COL25A1: variants seen among roughly 807,000 people sequenced by gnomAD.
The protein encoded by COL25A1 is collagen alpha-1(XXV) chain.
A neutral mutation model predicts 128.4 loss-of-function variants in COL25A1; 103 were observed. The ratio of observed to expected loss-of-function variants is 0.80; its 90% CI spans 0.68 to 0.94. The LOEUF is 0.94. COL25A1 is among the 40% of genes least tolerant of loss of function. The pLI is 0.00. For missense variants in COL25A1, 745 were observed against 840.0 expected (o/e 0.89, Z 1.40); for synonymous variants, 279 against 277.2 (o/e 1.01, Z -0.06).
At chr4:109,287,773 C>T (rs187768326) in intron 3 of COL25A1, among the ~76,000 whole-genome samples, 22 of 152,240 alleles carry the variant, frequency 1.4e-4, no homozygotes, top group African/African-American at 5.1e-4. Context: ...GCAACTGAGA[C>T]AGGCAAGAGC....
chr4:109,132,813 A>T (rs1769354869), intron 3 of COL25A1, among the ~76,000 whole-genome samples: 1 of 152,074 alleles, frequency 6.6e-6, no homozygotes, highest in African/African-American at 2.4e-5. Context: ...AACCTTCTAG[A>T]TTTCCATATT....
chr4:109,248,714 G>C (rs757912839), intron 3 of COL25A1, among the ~76,000 whole-genome samples: 4 of 152,064 alleles, frequency 2.6e-5, no homozygotes, highest in Non-Finnish European at 5.9e-5. Context: ...CATCAGTCCA[G>C]CTCTCCGGTG....
chr4:108,899,878 G>A (rs1383706249), intron 14 of COL25A1, among the ~76,000 whole-genome samples: 1 of 152,092 alleles, frequency 6.6e-6, no homozygotes, highest in South Asian at 2.1e-4. Flanking sequence ...GTGCCCTGAA[G>A]AGAATCTCAT....
At chr4:108,823,923 G>T in intron 35 of COL25A1, 2 of 1,395,542 alleles carry the variant, frequency 1.4e-6, no homozygotes, top group Non-Finnish European at 9.3e-7. Context: ...GTGTCAGGTG[G>T]TTGAAAAACT....
chr4:109,282,446 T>A (rs1205091817), intron 3 of COL25A1, among the ~76,000 whole-genome samples: 1 of 151,936 alleles, frequency 6.6e-6, no homozygotes, highest in Non-Finnish European at 1.5e-5. Flanking sequence ...TGCATAAAAA[T>A]GAGAAAAAAT....
At chr4:108,832,707 G>T (rs961714407) in intron 31 of COL25A1, 1 of 271,182 alleles carries the variant, frequency 3.7e-6, no homozygotes, top group Non-Finnish European at 6.9e-6. Context: ...ACTAAATAAA[G>T]CATCACTGGC....
chr4:109,214,051 C>A (rs892965817), intron 3 of COL25A1, among the ~76,000 whole-genome samples: 3 of 152,014 alleles, frequency 2.0e-5, no homozygotes, highest in African/African-American at 7.2e-5. Context: ...CAGCCGTTTG[C>A]CTGATTTCTC....
chr4:108,832,973 T>TAATAAATAAATAAATACATACATA (rs374659428), intron 31 of COL25A1, among the ~76,000 whole-genome samples: 1 of 106,110 alleles, frequency 9.4e-6, no homozygotes, highest in African/African-American at 3.1e-5. Context: ...TCTCAAAAAA[T>TAATAAATAAATAAATACATACATA]AATAAATAAA....
At chr4:108,848,939 A>G (rs752874024) in intron 26 of COL25A1, 136 bp from the exon 27 acceptor site, 10 of 660,222 alleles carry the variant, frequency 1.5e-5, no homozygotes, top group Non-Finnish European at 2.7e-5. Flanking sequence ...ATATTCTATT[A>G]TAGCACATAT....
chr4:109,098,359 A>G (rs190720363), intron 3 of COL25A1, among the ~76,000 whole-genome samples: 1 of 152,292 alleles, frequency 6.6e-6, no homozygotes, highest in Admixed American at 6.5e-5. Context: ...GGAACCCAAG[A>G]ATCCTCACCT....
Position 108,918,162 on chromosome 4 carries a change from T to C in COL25A1, c.780+10A>G, listed in dbSNP as rs781530630. On this transcript the variant is annotated intron_variant, in intron 13 of 37. Coordinates refer to ENST00000399132, the MANE Select transcript of COL25A1 (RefSeq NM_198721.4). ...ATTATTTTTAAAATACAATATTCTA[T>C]AGAACTCACCTTTTGCCCATTCATC... 1 of 1,570,644 alleles carries C rather than the reference T, an allele frequency of 6.4e-7. No homozygotes were observed. Among genetic ancestry groups the C allele is most frequent in the East Asian group, 2.3e-5 (1 of 44,226 alleles).
At chr4:109,048,252 G>T in intron 4 of COL25A1, 77 bp from the exon 5 acceptor site, 1 of 1,354,582 alleles carries the variant, frequency 7.4e-7, no homozygotes, top group Non-Finnish European at 1.1e-6. Context: ...TCAAACAAAA[G>T]ATATGAGCAT....
chr4:109,010,446 T>G (rs1306325593), intron 5 of COL25A1, 71 bp from the exon 6 acceptor site: 11 of 1,021,516 alleles, frequency 1.1e-5, no homozygotes, highest in Admixed American at 2.7e-5. Context: ...CTACCAAAAC[T>G]GAAACTAGTT....
At chr4:109,266,001 C>G (rs140008525) in intron 3 of COL25A1, among the ~76,000 whole-genome samples, 26 of 149,380 alleles carry the variant, frequency 1.7e-4, no homozygotes, top group African/African-American at 6.1e-4. Flanking sequence ...AATACTACCT[C>G]CAAACATTTC....
chr4:108,846,218 C>A lies in COL25A1; in HGVS notation c.1436G>T (p.Gly479Val). The change falls in exon 28 of 38, where the codon GGA becomes GTA. Residue 479 changes from glycine (G) to valine (V), a missense_variant and splice_region_variant. Physicochemically the swap from Gly to Val is moderately radical, Grantham distance 109 (BLOSUM62 -3). This residue lies in a region of COL25A1 where 387 missense variants were observed against 441.9 expected (regional missense o/e 0.88). Transcript: ENST00000399132. ...CATGTCTCCCTTTGAGCCTTTGAGT[C>A]CCTAAAAATGATAGACAAGGTTGGC... ...PGIPGMDGEQ[G>V]LKGSKGDMGD... 6.2e-7 allele frequency: 1 copy of A among 1,606,234 alleles called. No individual in the cohort carries two copies. The highest frequency in any genetic ancestry group is 8.5e-7 in the Non-Finnish European group (1 of 1,172,904).
In COL25A1 at chr4:109,144,273, G is replaced by A. The variant is rs565838839; in HGVS notation, c.368-94094C>T. Among the ~76,000 whole-genome samples the A allele has an allele frequency of 5.9e-5, 9 of 152,256 alleles. No homozygotes were observed. The South Asian group carries it at 1.0e-3, about 18-fold the overall frequency. On this transcript the variant is annotated intron_variant, in intron 3 of 37. Transcript: ENST00000399132. ...GCCTGTTCCTTCTTCTGGAAGCTTC[G>A]TCCCAGAGGGGCACCTGCTAGATGC...
chr4:109,264,637 A>G (rs1781672770), intron 3 of COL25A1, among the ~76,000 whole-genome samples: 1 of 152,216 alleles, frequency 6.6e-6, no homozygotes. Flanking sequence ...GCCTGGGCGA[A>G]GAGCAGATTC....
chr4:108,964,566 CT>C (rs1026500306), intron 8 of COL25A1, among the ~76,000 whole-genome samples: 1 of 151,976 alleles, frequency 6.6e-6, no homozygotes, highest in African/African-American at 2.4e-5. Context: ...TTCCAAATCT[CT>C]TTTTTTCATA....
intron 3 of COL25A1, among the ~76,000 whole-genome samples, chr4:109,057,380 AC>A (rs1761540657): frequency 7.9e-6 from 1 of 127,124 alleles, no homozygotes; most frequent in East Asian, 2.5e-4. Context: ...CGATTCTCCT[AC>A]CTTAGCCTCA....
Sources: gnomAD v4.1 joint callset for allele counts (sites outside exome capture counted in the v4.1 genomes callset) on GRCh38, gnomAD v4.1.1 for gene constraint, gnomAD v4.1.1 regional missense constraint, MANE v1.5 for transcripts, NCBI Gene and HGNC (gene_info 2026-07-23, HGNC 2026-07-21) for gene names.